Variants in GABRQ observed in about 807,000 individuals in gnomAD.
GABRQ encodes the protein gamma-aminobutyric acid receptor subunit theta.
In GABRQ, 19 loss-of-function variants were observed where a neutral mutation model predicts 30.5. The observed-to-expected ratio is 0.62, with a 90% CI of 0.43 to 0.91. The LOEUF (loss-of-function observed/expected upper bound fraction) is 0.91, where lower values mean the gene tolerates loss of function less well. GABRQ is among the 40% of genes least tolerant of loss of function. GABRQ has a pLI of 0.00. For synonymous variants in GABRQ, 187 were observed against 210.2 expected, an observed-to-expected ratio of 0.89 and a Z score of 0.95; for missense variants, 520 against 521.4, an observed-to-expected ratio of 1.00 and a Z score of 0.03.
chrX:152,649,073 T>G lies in GABRQ; in HGVS notation c.528-178T>G, dbSNP rs188434597. On this transcript the variant is annotated intron_variant, in intron 4 of 8. Transcript: ENST00000598523. ...TCTGAGGTGCCATACGTGTGTTCTC[T>G]GTTTATGTGCTGCCAGGTCTCTTGG... Among the ~76,000 whole-genome samples, 3 of 112,713 alleles carry G rather than the reference T, an allele frequency of 2.7e-5. No individual in the cohort carries two copies. In the East Asian group the frequency reaches 8.4e-4, roughly 31 times the overall value.
Position 152,657,053 on chromosome X carries a change from T to A in GABRQ, c.*3772T>A, listed in dbSNP as rs1692089488. ...ACTCAATTTGTGTGAGACTTTGCAC[T>A]CACTATCTCGCCGGCCGGACTGCAT... On this transcript the variant is annotated 3_prime_UTR_variant, in exon 9 of 9. Coordinates refer to ENST00000598523, the MANE Select transcript of GABRQ (RefSeq NM_018558.4). The A allele has an allele frequency of 8.9e-6, 1 of 112,035 alleles. No individual in the cohort carries two copies. The highest frequency in any genetic ancestry group is 3.3e-5 in the African/African-American group (1 of 30,756). 9.2% of individuals were successfully genotyped at this position (112,035 alleles called of 1,213,427 possible).
intron 5 of GABRQ, 59 bp from the exon 6 acceptor site, chrX:152,649,683 T>C (rs1930971435): frequency 2.0e-6 from 2 of 996,857 alleles, no homozygotes; most frequent in Admixed American, 2.3e-5. Context: ...AGCATGTCTT[T>C]TTTGTGCTTT....
Position 152,638,033 on chromosome X carries a change from A to AC in GABRQ, c.-165dup. Reference sequence around the variant, plus strand: ...CTCCGGTATCCGGGCCGACCCCCGCACCCCCTACTTCCCTTGCCCTCGCTG... The same window carrying AC: ...CTCCGGTATCCGGGCCGACCCCCGCACCCCCCTACTTCCCTTGCCCTCGCTG... On this transcript the variant is annotated 5_prime_UTR_variant, in exon 1 of 9. Coordinates refer to ENST00000598523, the MANE Select transcript of GABRQ (RefSeq NM_018558.4). 1 of 427,832 alleles carries AC rather than the reference A, an allele frequency of 2.3e-6. No individual in the cohort carries two copies. Among genetic ancestry groups the AC allele is most frequent in the Non-Finnish European group, 3.9e-6 (1 of 255,475 alleles). 35.3% of individuals were successfully genotyped at this position (427,832 alleles called of 1,213,427 possible).
chrX:152,651,812 C>T, intron 8 of GABRQ, 30 bp downstream of exon 8: 1 of 1,193,337 alleles, frequency 8.4e-7, no homozygotes. Context: ...AATCAGCTTT[C>T]CCTGAGCACC....
intron 1 of GABRQ, among the ~76,000 whole-genome samples, chrX:152,638,564 C>T (rs1343039425): frequency 8.9e-6 from 1 of 111,981 alleles, no homozygotes; most frequent in African/African-American, 3.2e-5. Context: ...TGTGCTTCCG[C>T]CCACCTGTTA....
At chrX:152,642,104 C>G (rs1556818506) in intron 2 of GABRQ, among the ~76,000 whole-genome samples, 1 of 111,575 alleles carries the variant, frequency 9.0e-6, no homozygotes, top group Admixed American at 9.5e-5. Flanking sequence ...TTTAGCCAAA[C>G]CGATGAAGGT....
chrX:152,639,803 C>T (rs782065176), intron 1 of GABRQ, among the ~76,000 whole-genome samples: 1 of 111,959 alleles, frequency 8.9e-6, no homozygotes, highest in Admixed American at 9.4e-5. Context: ...GTCTGGAAAA[C>T]AGAGTTGTGC....
At chrX:152,641,789 C>T (rs781787223) in intron 2 of GABRQ, among the ~76,000 whole-genome samples, 4 of 112,686 alleles carry the variant, frequency 3.5e-5, no homozygotes, top group Non-Finnish European at 7.5e-5. Flanking sequence ...GCAGCACGTC[C>T]TTGTATGGCA....
chrX:152,639,378 G>GCACACACGCA lies in GABRQ; in HGVS notation c.150-993_150-992insGCACACACAC, dbSNP rs1556817963. Among the ~76,000 whole-genome samples, 672 of 103,354 alleles carry GCACACACGCA rather than the reference G, an allele frequency of 6.5e-3. 8 individuals are homozygous for GCACACACGCA. The highest frequency in any genetic ancestry group is 0.022 in the African/African-American group (625 of 27,863). The allele number at this position is 103,354 out of a possible 115,157, so 89.8% of individuals were successfully genotyped here. A position where few individuals can be genotyped will look rare whatever the true frequency, so the allele number is the denominator to read the frequency against. ...ACTGAACATGCACACATGCGCGTGCGCACACACACACACACACACACACAC... is the reference window on the plus strand; with the variant it reads ...ACTGAACATGCACACATGCGCGTGCGCACACACGCACACACACACACACACACACACACAC... On this transcript the variant is annotated intron_variant, in intron 1 of 8. Transcript: ENST00000598523.
intron 1 of GABRQ, among the ~76,000 whole-genome samples, chrX:152,639,079 T>C: frequency 9.0e-6 from 1 of 111,048 alleles, no homozygotes; most frequent in Non-Finnish European, 1.9e-5. Context: ...AAATGTGTAT[T>C]TGGGGTGGCC....
At chrX:152,642,983 C>G (rs1048782713) in intron 2 of GABRQ, among the ~76,000 whole-genome samples, 1 of 112,703 alleles carries the variant, frequency 8.9e-6, no homozygotes. Context: ...CTCCCACTTT[C>G]CCTTCAACTA....
chrX:152,655,583 CAAG>C lies in GABRQ; in HGVS notation c.*2305_*2307del, dbSNP rs1556821084. The C allele has an allele frequency of 8.9e-6, 1 of 112,249 alleles. No homozygotes were observed. Among genetic ancestry groups the C allele is most frequent in the Non-Finnish European group, 1.9e-5 (1 of 53,279 alleles). The allele number at this position is 112,249 out of a possible 1,213,427, so 9.3% of individuals were successfully genotyped here. On this transcript the variant is annotated 3_prime_UTR_variant, in exon 9 of 9. Coordinates refer to ENST00000598523, the MANE Select transcript of GABRQ (RefSeq NM_018558.4). ...ACAAATCTTGTACGACAGTTGAAAA[CAAG>C]AAAGTTACCACTGGAAGAGCTAAAA...
chrX:152,639,378 G>GCACACACGCGCACACA (rs1556817963), intron 1 of GABRQ, among the ~76,000 whole-genome samples: 2 of 103,346 alleles, frequency 1.9e-5, no homozygotes, highest in African/African-American at 7.2e-5. Context: ...ATGCGCGTGC[G>GCACACACGCGCACACA]CACACACACA....
At position 152,650,484 on chromosome X, in the gene GABRQ, C is replaced by G. The variant is rs782544765; in HGVS notation, c.805C>G (p.Leu269Val). 8.3e-7 allele frequency: 1 copy of G among 1,201,831 alleles called. No individual in the cohort carries two copies. The highest frequency in any genetic ancestry group is 1.1e-6 in the Non-Finnish European group (1 of 886,516). ...GGTTCAGAGGGAAGTTAACAGCTACCTTGTGCAAGTCTACTGGCCTACTGT... is the reference window on the plus strand; with the variant it reads ...GGTTCAGAGGGAAGTTAACAGCTACGTTGTGCAAGTCTACTGGCCTACTGT... The part of the protein sequence containing the change: ...FQVQREVNSY[L>V]VQVYWPTVLT... Residue 269 changes from leucine (L) to valine (V), a missense_variant, in exon 7 of 9, where the codon CTT becomes GTT. Leu to Val is a conservative substitution (Grantham distance 32). Transcript: ENST00000598523.
chrX:152,653,301 A>G lies in GABRQ; in HGVS notation c.*20A>G. On this transcript the variant is annotated 3_prime_UTR_variant, in exon 9 of 9. Transcript: ENST00000598523. ...TATTAGTCCCCCAGTGCTCCAGAAC[A>G]GCGGGAGCACTGTGCTGTGCTCCTT... is the stretch of plus-strand genomic sequence containing the variant. 8.9e-7 allele frequency: 1 copy of G among 1,124,531 alleles called. No individual in the cohort carries two copies. Among genetic ancestry groups the G allele is most frequent in the South Asian group, 1.9e-5 (1 of 51,892 alleles). 92.7% of individuals were successfully genotyped at this position (1,124,531 alleles called of 1,213,427 possible). A position where few individuals can be genotyped will look rare whatever the true frequency, so the allele number is the denominator to read the frequency against.
At chrX:152,647,811 G>A (rs1427554176) in intron 4 of GABRQ, among the ~76,000 whole-genome samples, 2 of 111,629 alleles carry the variant, frequency 1.8e-5, no homozygotes, top group East Asian at 2.8e-4. Flanking sequence ...TCCTCACAGC[G>A]GCATCTCTTA....
Position 152,650,524 on chromosome X carries a change from C to G in GABRQ, c.845C>G (p.Thr282Ser). The G allele has an allele frequency of 8.3e-7, 1 of 1,203,986 alleles. No homozygotes were observed. Among genetic ancestry groups the G allele is most frequent in the Middle Eastern group, 2.3e-4 (1 of 4,332 alleles). The change falls in exon 7 of 9, where the codon ACC (threonine) becomes AGC (serine). Residue 282 changes from threonine (T) to serine (S), a missense_variant. By Grantham distance (58) the Thr-to-Ser change is moderately conservative (BLOSUM62 1). Coordinates refer to ENST00000598523, the MANE Select transcript of GABRQ (RefSeq NM_018558.4). Reference sequence around the variant, plus strand: ...TGGCCTACTGTCCTCACCACTATTACCTCTTGGATATCGTTTTGGATGAAC... The same window carrying G: ...TGGCCTACTGTCCTCACCACTATTAGCTCTTGGATATCGTTTTGGATGAAC... ...VYWPTVLTTITSWISFWMNYD... is the reference protein window; with the variant it reads ...VYWPTVLTTISSWISFWMNYD...
At position 152,657,503 on chromosome X, in the gene GABRQ, G is replaced by T. The variant is rs782631566; in HGVS notation, c.*4222G>T. 1.0e-3 allele frequency: 116 copies of T among 112,283 alleles called. 1 individual carries two copies. Among genetic ancestry groups the T allele is most frequent in the Middle Eastern group, 9.2e-3 (2 of 218 alleles). The allele number at this position is 112,283 out of a possible 1,213,427, so 9.3% of individuals were successfully genotyped here. ...ATACTGAAATAAAATTTTGTAAATA[G>T]CTAAAAGAAAAATAAATAAATATAA... On this transcript the variant is annotated 3_prime_UTR_variant, in exon 9 of 9. Coordinates refer to ENST00000598523, the MANE Select transcript of GABRQ (RefSeq NM_018558.4).
rs1283311674 is a variant in GABRQ at position 152,638,815 on chromosome X, G to A, written c.149+464G>A. On this transcript the variant is annotated intron_variant, in intron 1 of 8. Coordinates refer to ENST00000598523, the MANE Select transcript of GABRQ (RefSeq NM_018558.4). ...CATTTTAGTCCATTTCCTGAGGCGCGCGCGCGTGCATGCATGTGTTGAGGG... is the reference window on the plus strand; with the variant it reads ...CATTTTAGTCCATTTCCTGAGGCGCACGCGCGTGCATGCATGTGTTGAGGG... Among the ~76,000 whole-genome samples the A allele has an allele frequency of 1.4e-4, 16 of 110,885 alleles. No homozygotes were observed. The Admixed American group carries it at 1.5e-3, about 11-fold the overall frequency.
Sources: allele counts gnomAD v4.1 joint callset (sites outside exome capture counted in the v4.1 genomes callset), GRCh38; gene constraint gnomAD v4.1.1; transcripts MANE v1.5; gene names NCBI Gene and HGNC (gene_info 2026-07-23, HGNC 2026-07-21).